ADAM12: variants seen among roughly 807,000 people sequenced by gnomAD.
ADAM12 encodes disintegrin and metalloproteinase domain-containing protein 12.
In ADAM12, 70 loss-of-function variants were observed where a neutral mutation model predicts 106.4. The observed-to-expected ratio is 0.66, with a 90% CI of 0.54 to 0.80. ADAM12 has a LOEUF of 0.80. ADAM12 is among the 30% of genes least tolerant of loss of function. ADAM12 has a pLI of 0.00. For synonymous variants in ADAM12, 420 were observed against 433.5 expected, an observed-to-expected ratio of 0.97 and a Z score of 0.39; for missense variants, 1,010 against 1,171.9, an observed-to-expected ratio of 0.86 and a Z score of 2.02.
At chr10:126,287,895 C>A (rs1296961063) in intron 2 of ADAM12, among the ~76,000 whole-genome samples, 3 of 151,986 alleles carry the variant, frequency 2.0e-5, no homozygotes, top group African/African-American at 4.8e-5. Context: ...TTCCCAAGGA[C>A]AAAGAATTTG....
chr10:126,033,100 C>CAAAT (rs1410102943), intron 21 of ADAM12, among the ~76,000 whole-genome samples: 1 of 152,106 alleles, frequency 6.6e-6, no homozygotes, highest in Admixed American at 6.5e-5. Context: ...AGTCACAGAA[C>CAAAT]AAATACAGTG....
At chr10:126,373,887 T>C (rs1472832619) in intron 1 of ADAM12, among the ~76,000 whole-genome samples, 1 of 152,212 alleles carries the variant, frequency 6.6e-6, no homozygotes, top group Non-Finnish European at 1.5e-5. Context: ...ACATAGGACT[T>C]CAGCCTGGAA....
chr10:126,093,930 A>G, intron 11 of ADAM12, 55 bp downstream of exon 11: 4 of 1,600,300 alleles, frequency 2.5e-6, no homozygotes, highest in Non-Finnish European at 3.4e-6. Flanking sequence ...CTGGTTCCCA[A>G]CACACACTTC....
At chr10:126,373,316 C>G (rs1005659817) in intron 1 of ADAM12, among the ~76,000 whole-genome samples, 3 of 152,172 alleles carry the variant, frequency 2.0e-5, no homozygotes, top group Non-Finnish European at 4.4e-5. Context: ...TCTCATTTTG[C>G]CTCCGCCAGA....
intron 21 of ADAM12, among the ~76,000 whole-genome samples, chr10:126,033,043 C>G (rs911157216): frequency 3.9e-5 from 6 of 151,964 alleles, no homozygotes; most frequent in African/African-American, 1.4e-4. Flanking sequence ...AGAAGAAAAC[C>G]TCTACCTCTC....
At chr10:126,108,218 G>GGGACAGAT (rs1955809421) in intron 8 of ADAM12, among the ~76,000 whole-genome samples, 2 of 152,214 alleles carry the variant, frequency 1.3e-5, no homozygotes, top group African/African-American at 2.4e-5. Context: ...GATTGAAGGG[G>GGGACAGAT]CCTGTGGGAT....
intron 3 of ADAM12, among the ~76,000 whole-genome samples, chr10:126,241,753 G>A (rs1415862231): frequency 6.6e-6 from 1 of 152,210 alleles, no homozygotes; most frequent in African/African-American, 2.4e-5. Flanking sequence ...GGACATCACT[G>A]TAAGTATTAG....
At chr10:126,042,012 C>T (rs1954184737) in intron 18 of ADAM12, 2 of 1,464,822 alleles carry the variant, frequency 1.4e-6, no homozygotes, top group Non-Finnish European at 9.0e-7. Flanking sequence ...TGTGTTGTGT[C>T]TGTTGTCATG....
rs374925006 is a variant in ADAM12 at position 126,043,017 on chromosome 10, C to A, written c.2104+23G>T. 2 of 1,610,550 alleles carry A rather than the reference C, an allele frequency of 1.2e-6. No individual in the cohort carries two copies. The highest frequency in any genetic ancestry group is 1.7e-6 in the Non-Finnish European group (2 of 1,178,134). ...CCCCAGGTGCTCAGCCTCCTCCCAC[C>A]GGGATGCAGGGGCTTCACTGACCTG... On this transcript the variant is annotated intron_variant, in intron 18 of 22. Transcript: ENST00000448723. This position sits in a 1 kb window ranked among gnomAD's most constrained non-coding sequence, Gnocchi z 4.1.
chr10:126,293,026 T>C (rs11244935), intron 2 of ADAM12, among the ~76,000 whole-genome samples: 40,673 of 152,140 alleles, frequency 0.27, 5,860 homozygotes, highest in Middle Eastern at 0.33. Flanking sequence ...CTGATGCTGC[T>C]GGTCTGGGGA....
At chr10:126,078,524 G>T (rs1955147491) in intron 11 of ADAM12, among the ~76,000 whole-genome samples, 1 of 152,146 alleles carries the variant, frequency 6.6e-6, no homozygotes. Flanking sequence ...GCAGTCCAAG[G>T]CTGTGTTGTA....
At chr10:126,213,335 T>G (rs962005264) in intron 3 of ADAM12, among the ~76,000 whole-genome samples, 1 of 152,232 alleles carries the variant, frequency 6.6e-6, no homozygotes, top group South Asian at 2.1e-4. Context: ...GTTCTTTAGA[T>G]AGAACACACT....
chr10:126,301,502 G>C (rs931203794), intron 2 of ADAM12, among the ~76,000 whole-genome samples: 6 of 152,090 alleles, frequency 3.9e-5, no homozygotes, highest in African/African-American at 1.4e-4. Flanking sequence ...TGAGAGTTAG[G>C]CCTTCAGTTC....
intron 3 of ADAM12, among the ~76,000 whole-genome samples, chr10:126,248,685 GTATTTATTTATTTATT>G (rs141233066): frequency 4.5e-5 from 3 of 67,092 alleles, no homozygotes; most frequent in Middle Eastern, 6.1e-3. Flanking sequence ...ATGTATGTAT[GTATTTATTTATTTATT>G]TATTTATTTA....
intron 17 of ADAM12, among the ~76,000 whole-genome samples, chr10:126,044,931 G>C (rs1954275267): frequency 6.6e-6 from 1 of 152,208 alleles, no homozygotes; most frequent in South Asian, 2.1e-4. Context: ...CATGCGCCTT[G>C]TTTTAAAACC....
rs745492081 is a variant in ADAM12, at chr10:126,135,728, C to G, written c.340-68G>C. 3 of 1,334,836 alleles carry G rather than the reference C, an allele frequency of 2.2e-6. No individual in the cohort carries two copies. The Admixed American group carries it at 5.3e-5, about 24-fold the overall frequency. The allele number at this position is 1,334,836 out of a possible 1,614,324, so 82.7% of individuals were successfully genotyped here. On this transcript the variant is annotated intron_variant, in intron 4 of 22. Coordinates refer to ENST00000448723, the MANE Select transcript of ADAM12 (RefSeq NM_001288973.2). The stretch of plus-strand genomic sequence containing the variant: ...TTTTTGCCCACTTATAATAAATCAA[C>G]TGCCTCTTGTTTTTAACTATAGAAT...
At chr10:126,028,861 AATCT>A (rs901077450) in intron 21 of ADAM12, among the ~76,000 whole-genome samples, 1 of 152,184 alleles carries the variant, frequency 6.6e-6, no homozygotes, top group Non-Finnish European at 1.5e-5. Context: ...AAAGTTTTTC[AATCT>A]ATCCATCTGA....
intron 17 of ADAM12, among the ~76,000 whole-genome samples, chr10:126,045,772 A>T (rs553798906): frequency 1.3e-5 from 2 of 152,368 alleles, no homozygotes; most frequent in African/African-American, 4.8e-5. Flanking sequence ...GAAACTCTTC[A>T]TGAAGGAAGG....
intron 4 of ADAM12, among the ~76,000 whole-genome samples, chr10:126,149,092 G>A (rs1956682271): frequency 6.6e-6 from 1 of 152,178 alleles, no homozygotes; most frequent in Non-Finnish European, 1.5e-5. Context: ...GGAGGACCGG[G>A]GGAAGACGAG....
Sources: allele counts gnomAD v4.1 joint callset (sites outside exome capture counted in the v4.1 genomes callset), GRCh38; gene constraint gnomAD v4.1.1; non-coding constraint Gnocchi (gnomAD v3.1); transcripts MANE v1.5; gene names NCBI Gene and HGNC (gene_info 2026-07-23, HGNC 2026-07-21).